ZC2HC1B: variants seen among roughly 807,000 people sequenced by gnomAD.
ZC2HC1B encodes zinc finger C2HC domain-containing protein 1B.
In ZC2HC1B, 36 loss-of-function variants were observed where a neutral mutation model predicts 31.0. That is an observed-to-expected ratio of 1.16 (90% CI 0.89 to 1.54). The LOEUF (loss-of-function observed/expected upper bound fraction) is 1.54, where lower values mean the gene tolerates loss of function less well. Ranked by LOEUF, ZC2HC1B falls within the 40% of genes most tolerant of loss-of-function variation. ZC2HC1B has a pLI of 0.00. For synonymous variants in ZC2HC1B, 73 were observed against 88.0 expected, an observed-to-expected ratio of 0.83 and a Z score of 0.95; for missense variants, 260 against 268.6, an observed-to-expected ratio of 0.97 and a Z score of 0.22.
intron 4 of ZC2HC1B, among the ~76,000 whole-genome samples, chr6:143,897,858 A>C (rs1010302240): frequency 6.6e-6 from 1 of 152,156 alleles, no homozygotes; most frequent in Non-Finnish European, 1.5e-5. Context: ...ACTACAACCT[A>C]TGCTTTTGAA....
In ZC2HC1B at chr6:143,886,205, G is replaced by T; in HGVS notation, c.210+54G>T. On this transcript the variant is annotated intron_variant, in intron 3 of 7. Coordinates refer to ENST00000237275, the MANE Select transcript of ZC2HC1B (RefSeq NM_001013623.3). This position sits in a 1 kb window ranked among gnomAD's most constrained non-coding sequence, Gnocchi z 4.2. ...TTATTACATTCTGCGGTACTGTAAG[G>T]CCTATTTCTGGGATTTCTGGTTTCA... 1 of 1,394,896 alleles carries T rather than the reference G, an allele frequency of 7.2e-7. No individual in the cohort carries two copies. Among genetic ancestry groups the T allele is most frequent in the South Asian group, 1.8e-5 (1 of 55,072 alleles). The allele number at this position is 1,394,896 out of a possible 1,614,324, so 86.4% of individuals were successfully genotyped here. A position where few individuals can be genotyped will look rare whatever the true frequency, so the allele number is the denominator to read the frequency against.
At chr6:143,920,881 G>C (rs923775938) in intron 6 of ZC2HC1B, among the ~76,000 whole-genome samples, 4 of 139,038 alleles carry the variant, frequency 2.9e-5, no homozygotes, top group Admixed American at 1.6e-4. Flanking sequence ...ACTCCAGCCT[G>C]ACAACACAGC....
intron 1 of ZC2HC1B, among the ~76,000 whole-genome samples, chr6:143,875,214 T>C (rs1777390605): frequency 6.6e-6 from 1 of 152,166 alleles, no homozygotes; most frequent in South Asian, 2.1e-4. Context: ...GAAAGGCAAT[T>C]ACAGGGATCT....
Position 143,871,069 on chromosome 6 carries a change from C to T in ZC2HC1B, c.28+6502C>T, listed in dbSNP as rs1434063237. Among the ~76,000 whole-genome samples, 1 of 152,174 alleles carries T rather than the reference C, an allele frequency of 6.6e-6. No individual in the cohort carries two copies. The highest frequency in any genetic ancestry group is 2.4e-5 in the African/African-American group (1 of 41,424). On this transcript the variant is annotated intron_variant, in intron 1 of 7. Transcript: ENST00000237275. This position sits in a 1 kb window ranked among gnomAD's most constrained non-coding sequence, Gnocchi z 4.1. ...TGGTAGGAGGGGCCAAATGCAGCAA[C>T]TTATCCTTCATCTTAGAAGGAATAT...
intron 6 of ZC2HC1B, among the ~76,000 whole-genome samples, chr6:143,906,097 G>A (rs746970665): frequency 4.6e-5 from 7 of 152,224 alleles, no homozygotes; most frequent in Non-Finnish European, 1.0e-4. Context: ...AAAAGTCTGA[G>A]AAGGGTTGGT....
intron 1 of ZC2HC1B, among the ~76,000 whole-genome samples, chr6:143,873,171 C>G (rs541606332): frequency 6.6e-6 from 1 of 152,332 alleles, no homozygotes; most frequent in East Asian, 1.9e-4. Flanking sequence ...AAAGGGGTTA[C>G]AGGGCCCATG....
intron 6 of ZC2HC1B, among the ~76,000 whole-genome samples, chr6:143,932,384 G>C (rs1410827934): frequency 6.6e-6 from 1 of 152,006 alleles, no homozygotes; most frequent in Non-Finnish European, 1.5e-5. Flanking sequence ...TGTCTCATTG[G>C]GTTACTTTGA....
intron 6 of ZC2HC1B, among the ~76,000 whole-genome samples, chr6:143,936,897 A>G (rs1014790950): frequency 6.6e-6 from 1 of 152,208 alleles, no homozygotes; most frequent in African/African-American, 2.4e-5. Context: ...AAACCAGTTT[A>G]TGTTTCAGTA....
At chr6:143,893,484 T>A (rs1293588468) in intron 4 of ZC2HC1B, among the ~76,000 whole-genome samples, 1 of 151,892 alleles carries the variant, frequency 6.6e-6, no homozygotes. Context: ...ATGAAAATCA[T>A]TTGAACCTGG....
rs1777716508 is a variant in ZC2HC1B at position 143,899,942 on chromosome 6, G to A, written c.489+1251G>A. On this transcript the variant is annotated intron_variant, in intron 5 of 7. Coordinates refer to ENST00000237275, the MANE Select transcript of ZC2HC1B (RefSeq NM_001013623.3). This position sits in a 1 kb window ranked among gnomAD's most constrained non-coding sequence, Gnocchi z 5.0. ...GGAAGAAGAAGTCACTGCAATTCCTGGAAGTCTTCAAAGGCAAGCAAACTT... is the reference window on the plus strand; with the variant it reads ...GGAAGAAGAAGTCACTGCAATTCCTAGAAGTCTTCAAAGGCAAGCAAACTT... Among the ~76,000 whole-genome samples the A allele has an allele frequency of 6.6e-6, 1 of 152,194 alleles. No individual in the cohort carries two copies. Among genetic ancestry groups the A allele is most frequent in the African/African-American group, 2.4e-5 (1 of 41,442 alleles).
chr6:143,913,638 A>C lies in ZC2HC1B; in HGVS notation c.598+10486A>C, dbSNP rs1777885807. Among the ~76,000 whole-genome samples the C allele has an allele frequency of 2.0e-5, 3 of 152,188 alleles. No homozygotes were observed. The highest frequency in any genetic ancestry group is 1.3e-4 in the Admixed American group (2 of 15,284). Reference sequence around the variant, plus strand: ...GTGTGCCTGAGCAGTTGCTCTGCCAAGACTCTACCCAGTTCTATGTGACAG... The same window carrying C: ...GTGTGCCTGAGCAGTTGCTCTGCCACGACTCTACCCAGTTCTATGTGACAG... On this transcript the variant is annotated intron_variant, in intron 6 of 7. Coordinates refer to ENST00000237275, the MANE Select transcript of ZC2HC1B (RefSeq NM_001013623.3). This position sits in a 1 kb window ranked among gnomAD's most constrained non-coding sequence, Gnocchi z 5.7.
intron 6 of ZC2HC1B, among the ~76,000 whole-genome samples, chr6:143,909,291 G>A (rs968835078): frequency 7.2e-5 from 11 of 152,056 alleles, no homozygotes; most frequent in African/African-American, 2.2e-4. Context: ...CAGCTACTCA[G>A]GAGGCTGAGG....
rs1021933405 is a variant in ZC2HC1B, at chr6:143,915,066, C to T, written c.598+11914C>T. ...TATGCCTTACAGCTTTTTTGTTCCT[C>T]GTTTCCTGCATCACTGTTGATATGA... is the stretch of plus-strand genomic sequence containing the variant. On this transcript the variant is annotated intron_variant, in intron 6 of 7. Coordinates refer to ENST00000237275, the MANE Select transcript of ZC2HC1B (RefSeq NM_001013623.3). The surrounding 1 kb of genome is among the most constrained non-coding windows in gnomAD (Gnocchi z 5.2). Among the ~76,000 whole-genome samples, 19 of 152,104 alleles carry T rather than the reference C, an allele frequency of 1.2e-4. No homozygotes were observed. Among genetic ancestry groups the T allele is most frequent in the African/African-American group, 4.1e-4 (17 of 41,420 alleles).
intron 6 of ZC2HC1B, among the ~76,000 whole-genome samples, chr6:143,925,165 CTTTTTT>C (rs71024879): frequency 2.9e-5 from 3 of 104,180 alleles, no homozygotes; most frequent in African/African-American, 4.0e-5. Flanking sequence ...AATCTCATTC[CTTTTTT>C]TTTTTTTTTT....
chr6:143,914,907 G>A (rs1777899768), intron 6 of ZC2HC1B, among the ~76,000 whole-genome samples: 1 of 152,108 alleles, frequency 6.6e-6, no homozygotes, highest in Non-Finnish European at 1.5e-5. Flanking sequence ...GATCTAAAAT[G>A]AGTATCTTAT....
intron 6 of ZC2HC1B, among the ~76,000 whole-genome samples, chr6:143,912,200 G>A (rs1251480926): frequency 1.3e-5 from 2 of 151,970 alleles, no homozygotes; most frequent in East Asian, 3.9e-4. Context: ...TCTTTGCATT[G>A]GTTTACAACA....
rs181895947 is a variant in ZC2HC1B at position 143,923,768 on chromosome 6, A to G, written c.599-13881A>G. Among the ~76,000 whole-genome samples the G allele has an allele frequency of 1.3e-5, 2 of 152,168 alleles. No individual in the cohort carries two copies. Among genetic ancestry groups the G allele is most frequent in the East Asian group, 1.9e-4 (1 of 5,190 alleles). On this transcript the variant is annotated intron_variant, in intron 6 of 7. Transcript: ENST00000237275. The surrounding 1 kb of genome is among the most constrained non-coding windows in gnomAD (Gnocchi z 4.8). ...AAATCAGTTAGCTGTAAATACATGC[A>G]TGTATTCCTGGAGTGTCTATTCTGT...
intron 4 of ZC2HC1B, among the ~76,000 whole-genome samples, chr6:143,894,507 A>C (rs1447203053): frequency 1.3e-5 from 2 of 152,206 alleles, no homozygotes; most frequent in Non-Finnish European, 2.9e-5. Flanking sequence ...AAAGTGCAAA[A>C]ACAAAAAGCC....
intron 6 of ZC2HC1B, among the ~76,000 whole-genome samples, chr6:143,929,338 T>C (rs1324081414): frequency 6.6e-6 from 1 of 152,250 alleles, no homozygotes; most frequent in East Asian, 1.9e-4. Flanking sequence ...ATTGAGATGA[T>C]AATATGGTTT....
Sources: gnomAD v4.1 joint callset for allele counts (sites outside exome capture counted in the v4.1 genomes callset) on GRCh38, gnomAD v4.1.1 for gene constraint, Gnocchi (gnomAD v3.1) non-coding constraint, MANE v1.5 for transcripts, NCBI Gene and HGNC (gene_info 2026-07-23, HGNC 2026-07-21) for gene names.